The following C5orf22 variants were observed in gnomAD, a reference collection of about 807,000 sequenced individuals.
C5orf22 encodes the protein UPF0489 protein C5orf22.
In C5orf22, 36 loss-of-function variants were observed where a neutral mutation model predicts 48.7. That is an observed-to-expected ratio of 0.74 (90% CI 0.57 to 0.98). C5orf22 has a LOEUF of 0.98. Among genes scored for constraint, C5orf22 ranks in the 50% least tolerant of loss-of-function variants. The pLI is 0.00. For synonymous variants in C5orf22, 141 were observed against 180.8 expected (o/e 0.78, Z 1.76); for missense variants, 486 against 521.9 (o/e 0.93, Z 0.67).
Position 31,535,848 on chromosome 5 carries a change from G to C in C5orf22, c.332G>C (p.Arg111Thr), listed in dbSNP as rs748803553. The C allele has an allele frequency of 2.4e-5, 39 of 1,613,500 alleles. No individual in the cohort carries two copies. Among genetic ancestry groups the C allele is most frequent in the Non-Finnish European group, 3.2e-5 (38 of 1,179,872 alleles). The stretch of plus-strand genomic sequence containing the variant: ...TGGGCTCAGCAGATCAGAGAGGGCA[G>C]ACACCACTTTTTAGTAGGCAAAGAC... ...PTWAQQIREG[R>T]HHFLVGKDTS... The change falls in exon 3 of 9, where the codon AGA becomes ACA. Residue 111 changes from arginine (R) to threonine (T), a missense_variant. Physicochemically the swap from Arg to Thr is moderately conservative, Grantham distance 71. Transcript: ENST00000325366.
Position 31,554,263 on chromosome 5 carries a change from C to A in C5orf22, c.*1361C>A, listed in dbSNP as rs544652473. ...TCTTGCTTGTAACTTTCAGGCCTTA[C>A]CCACATGTGTTCCTATAGAGTTGCA... On this transcript the variant is annotated 3_prime_UTR_variant, in exon 9 of 9. Coordinates refer to ENST00000325366, the MANE Select transcript of C5orf22 (RefSeq NM_018356.3). 4 of 152,332 alleles carry A rather than the reference C, an allele frequency of 2.6e-5. No homozygotes were observed. The South Asian group carries it at 8.3e-4, about 32-fold the overall frequency. The allele number at this position is 152,332 out of a possible 1,614,324, so 9.4% of individuals were successfully genotyped here. A position where few individuals can be genotyped will look rare whatever the true frequency, so the allele number is the denominator to read the frequency against.
chr5:31,534,713 A>G (rs1210420063), intron 2 of C5orf22: 4 of 334,984 alleles, frequency 1.2e-5, no homozygotes, highest in South Asian at 2.9e-5. Flanking sequence ...CTGTGTTCCA[A>G]TAAAGCTTTA....
intron 3 of C5orf22, among the ~76,000 whole-genome samples, chr5:31,536,787 T>A (rs187713509): frequency 6.6e-6 from 1 of 152,324 alleles, no homozygotes; most frequent in Admixed American, 6.5e-5. Flanking sequence ...TATAATACTT[T>A]CAGAAATATC....
intron 7 of C5orf22, among the ~76,000 whole-genome samples, chr5:31,549,726 A>G (rs1743129339): frequency 6.6e-6 from 1 of 152,112 alleles, no homozygotes; most frequent in African/African-American, 2.4e-5. Context: ...AAATACAAAA[A>G]TTAGCCAGGT....
intron 3 of C5orf22, among the ~76,000 whole-genome samples, chr5:31,536,199 A>G (rs1380813803): frequency 1.3e-5 from 2 of 152,210 alleles, no homozygotes; most frequent in Non-Finnish European, 2.9e-5. Context: ...ATTCAGTAGT[A>G]CATTTTACTG....
At chr5:31,548,791 GAA>G in intron 7 of C5orf22, 1 of 277,252 alleles carries the variant, frequency 3.6e-6, no homozygotes, top group Non-Finnish European at 7.0e-6. Flanking sequence ...ATTTACAAAA[GAA>G]AGAGATTTAA....
Position 31,541,404 on chromosome 5 carries a change from T to G in C5orf22, c.992+2T>G. ...ACAGAGATGGGCTTCAAACCCTGGG[T>G]AAGACTCTCAAACATTTTTTTCCCC... is the stretch of plus-strand genomic sequence containing the variant. On this transcript the variant is annotated splice_donor_variant, in intron 6 of 8. Coordinates refer to ENST00000325366, the MANE Select transcript of C5orf22 (RefSeq NM_018356.3). LOFTEE classifies it high-confidence loss of function. The G allele has an allele frequency of 6.2e-7, 1 of 1,612,170 alleles. No homozygotes were observed. The highest frequency in any genetic ancestry group is 8.5e-7 in the Non-Finnish European group (1 of 1,179,172).
In C5orf22 at chr5:31,552,963, T is replaced by G; in HGVS notation, c.*61T>G. On this transcript the variant is annotated 3_prime_UTR_variant, in exon 9 of 9. Coordinates refer to ENST00000325366, the MANE Select transcript of C5orf22 (RefSeq NM_018356.3). The stretch of plus-strand genomic sequence containing the variant: ...TTTAGTAACAGGCCCTTAATTAACT[T>G]ATTTGTACATGAGTCTTCCAGAGAA... 6.8e-7 allele frequency: 1 copy of G among 1,471,866 alleles called. No homozygotes were observed. The highest frequency in any genetic ancestry group is 2.3e-5 in the East Asian group (1 of 43,744). The allele number at this position is 1,471,866 out of a possible 1,614,324, so 91.2% of individuals were successfully genotyped here. A position where few individuals can be genotyped will look rare whatever the true frequency, so the allele number is the denominator to read the frequency against.
At chr5:31,544,312 G>A (rs74292537) in intron 6 of C5orf22, among the ~76,000 whole-genome samples, 5,669 of 152,302 alleles carry the variant, frequency 0.037, 214 homozygotes, top group East Asian at 0.2. Flanking sequence ...GGCCGGGCGC[G>A]ATGGCTCACG....
At position 31,553,037 on chromosome 5, in the gene C5orf22, C is replaced by T. The variant is rs1183739124; in HGVS notation, c.*135C>T. ...TTGAAATCTTTCAGATATTTTGAAT[C>T]TCTGAACAACCATTGTCAGTTGTGA... On this transcript the variant is annotated 3_prime_UTR_variant, in exon 9 of 9. Coordinates refer to ENST00000325366, the MANE Select transcript of C5orf22 (RefSeq NM_018356.3). 2 of 830,074 alleles carry T rather than the reference C, an allele frequency of 2.4e-6. No individual in the cohort carries two copies. Among genetic ancestry groups the T allele is most frequent in the Non-Finnish European group, 1.8e-6 (1 of 565,054 alleles). 51.4% of individuals were successfully genotyped at this position (830,074 alleles called of 1,614,324 possible).
intron 6 of C5orf22, among the ~76,000 whole-genome samples, chr5:31,545,205 T>C (rs372111281): frequency 1.2e-4 from 18 of 152,082 alleles, no homozygotes; most frequent in African/African-American, 4.3e-4. Context: ...ATTACAGGCA[T>C]GCACCACCAC....
At chr5:31,539,356 T>C (rs10035440) in intron 4 of C5orf22, among the ~76,000 whole-genome samples, 27,399 of 152,092 alleles carry the variant, frequency 0.18, 2,629 homozygotes, top group Middle Eastern at 0.24. Flanking sequence ...CAAGTGTACA[T>C]TGAAAAACAG....
At chr5:31,533,600 G>T (rs1741863124) in intron 1 of C5orf22, among the ~76,000 whole-genome samples, 1 of 152,090 alleles carries the variant, frequency 6.6e-6, no homozygotes, top group African/African-American at 2.4e-5. Flanking sequence ...TTCAAATTAG[G>T]TATTAAACCT....
At position 31,545,894 on chromosome 5, in the gene C5orf22, G is replaced by A. The variant is rs142281563; in HGVS notation, c.1059+182G>A. On this transcript the variant is annotated intron_variant, in intron 7 of 8. Transcript: ENST00000325366. ...CGTTGAAACAGAATACTGTTTTCCT[G>A]GAAAAGTCTTCCAGGAAAAACTTTT... 3.1e-3 allele frequency among the ~76,000 whole-genome samples: 466 copies of A among 152,114 alleles called. 3 individuals carry two copies. Among genetic ancestry groups the A allele is most frequent in the African/African-American group, 0.011 (441 of 41,494 alleles).
intron 6 of C5orf22, 122 bp downstream of exon 6, chr5:31,541,524 C>T: frequency 1.0e-6 from 1 of 980,000 alleles, no homozygotes; most frequent in Non-Finnish European, 1.5e-6. Flanking sequence ...GACACTGAGG[C>T]AGGAGAGGAC....
intron 7 of C5orf22, among the ~76,000 whole-genome samples, chr5:31,550,854 G>A (rs1457080644): frequency 1.3e-5 from 2 of 152,154 alleles, no homozygotes; most frequent in Admixed American, 6.5e-5. Flanking sequence ...GAGCTACCAC[G>A]CCTGGCCTCA....
At chr5:31,537,573 A>C (rs1742174298) in intron 3 of C5orf22, among the ~76,000 whole-genome samples, 1 of 152,172 alleles carries the variant, frequency 6.6e-6, no homozygotes, top group South Asian at 2.1e-4. Flanking sequence ...CCTCTAGAAG[A>C]AGTATTTGGC....
intron 6 of C5orf22, among the ~76,000 whole-genome samples, chr5:31,543,500 G>A (rs138543092): frequency 0.024 from 3,708 of 152,222 alleles, 70 homozygotes; most frequent in South Asian, 0.069. Context: ...AGCCTGGGAG[G>A]TCAAGGCTGC....
chr5:31,551,441 G>T lies in C5orf22; in HGVS notation c.1199+9G>T. ...CTTGTGACAATTGCAAGGTAAGTGT[G>T]TTCAGCAGAATAATGGCAAATCAGA... On this transcript the variant is annotated intron_variant, in intron 8 of 8. Transcript: ENST00000325366. 6.2e-7 allele frequency: 1 copy of T among 1,602,594 alleles called. No individual in the cohort carries two copies. The highest frequency in any genetic ancestry group is 8.5e-7 in the Non-Finnish European group (1 of 1,174,160).
Sources: gnomAD v4.1 joint callset for allele counts (sites outside exome capture counted in the v4.1 genomes callset) on GRCh38, gnomAD v4.1.1 for gene constraint, MANE v1.5 for transcripts, NCBI Gene and HGNC (gene_info 2026-07-23, HGNC 2026-07-21) for gene names.